The following MSN variants were observed in gnomAD, a reference collection of about 807,000 sequenced individuals.
MSN encodes the protein epididymis luminal protein 70.
MSN carries 2 observed loss-of-function variants against 48.0 expected under a neutral mutation model. The ratio of observed to expected loss-of-function variants is 0.04; its 90% CI spans 0.02 to 0.13. MSN has a LOEUF of 0.13. Ranked by LOEUF, MSN falls within the 10% of genes least tolerant of loss-of-function variation. MSN has a pLI of 1.00. For missense variants in MSN, 267 were observed against 470.1 expected, an observed-to-expected ratio of 0.57 and a Z score of 3.99; for synonymous variants, 146 against 166.9, an observed-to-expected ratio of 0.87 and a Z score of 0.97.
intron 1 of MSN, among the ~76,000 whole-genome samples, chrX:65,660,016 G>C (rs1312130562): frequency 9.0e-6 from 1 of 110,998 alleles, no homozygotes; most frequent in East Asian, 2.8e-4. Context: ...GCATGAAATG[G>C]TTTACAAGGA....
chrX:65,728,773 G>A (rs2071593891), intron 3 of MSN, among the ~76,000 whole-genome samples: 1 of 111,689 alleles, frequency 9.0e-6, no homozygotes. Flanking sequence ...TTGAGTCCAT[G>A]CAAGCTCTCC....
chrX:65,707,581 C>T (rs960934597), intron 1 of MSN, among the ~76,000 whole-genome samples: 1 of 112,206 alleles, frequency 8.9e-6, no homozygotes, highest in Non-Finnish European at 1.9e-5. Context: ...TCCGGGTCAG[C>T]TCCTGTATTC....
intron 1 of MSN, chrX:65,624,970 T>G (rs763010580): frequency 9.0e-6 from 1 of 111,685 alleles, no homozygotes; most frequent in Non-Finnish European, 1.9e-5. Flanking sequence ...TTCCCAAATT[T>G]TTGGTATGCT....
intron 1 of MSN, among the ~76,000 whole-genome samples, chrX:65,698,571 G>GC (rs1284035237): frequency 8.9e-6 from 1 of 111,867 alleles, no homozygotes. Context: ...TCTTCTCCCT[G>GC]CCCCCCACTG....
intron 1 of MSN, among the ~76,000 whole-genome samples, chrX:65,634,376 G>A (rs1448474836): frequency 8.9e-6 from 1 of 112,494 alleles, no homozygotes; most frequent in African/African-American, 3.2e-5. Context: ...ACTTTGGGTG[G>A]CCGAGGTGGG....
At chrX:65,701,278 T>G (rs1202368554) in intron 1 of MSN, among the ~76,000 whole-genome samples, 2 of 111,661 alleles carry the variant, frequency 1.8e-5, no homozygotes, top group African/African-American at 6.5e-5. Context: ...GATGGGAGGA[T>G]GGTTGAAGAT....
At chrX:65,686,628 C>T (rs2071117847) in intron 1 of MSN, among the ~76,000 whole-genome samples, 1 of 112,487 alleles carries the variant, frequency 8.9e-6, no homozygotes, top group South Asian at 3.6e-4. Context: ...GCCAGGCTTG[C>T]AGGAATATCT....
At chrX:65,664,877 G>C (rs1336981298), upstream of MSN, among the ~76,000 whole-genome samples, 2 of 109,392 alleles carry the variant, frequency 1.8e-5, no homozygotes, top group Non-Finnish European at 3.8e-5. Flanking sequence ...AGCCTCTCGA[G>C]TAGCTGGGAT....
intron 1 of MSN, among the ~76,000 whole-genome samples, chrX:65,685,052 C>T (rs1383472916): frequency 8.9e-6 from 1 of 112,219 alleles, no homozygotes; most frequent in Non-Finnish European, 1.9e-5. Flanking sequence ...ATTGGTGGAA[C>T]ACTTAAAATC....
intron 1 of MSN, among the ~76,000 whole-genome samples, chrX:65,715,288 G>A (rs2071452356): frequency 9.0e-6 from 1 of 111,720 alleles, no homozygotes; most frequent in South Asian, 3.7e-4. Flanking sequence ...GCTTAGGATT[G>A]CCATGGTTAT....
At chrX:65,649,532 T>C (rs1283392948) in intron 1 of MSN, among the ~76,000 whole-genome samples, 3 of 100,936 alleles carry the variant, frequency 3.0e-5, no homozygotes, top group African/African-American at 1.1e-4. Flanking sequence ...GCCGAGATCA[T>C]GCCACTGTGC....
At chrX:65,639,785 A>G (rs1046808225) in intron 1 of MSN, among the ~76,000 whole-genome samples, 1 of 112,124 alleles carries the variant, frequency 8.9e-6, no homozygotes, top group Admixed American at 9.5e-5. Context: ...TAGAAATTTA[A>G]GAGCTTCCTT....
chrX:65,717,578 A>T (rs1168002205), intron 2 of MSN, among the ~76,000 whole-genome samples: 1 of 112,210 alleles, frequency 8.9e-6, no homozygotes, highest in Non-Finnish European at 1.9e-5. Context: ...TATTGTCAGA[A>T]AGGATGTACT....
chrX:65,592,186 T>G (rs1350535434), intron 1 of MSN, among the ~76,000 whole-genome samples: 1 of 104,400 alleles, frequency 9.6e-6, no homozygotes, highest in African/African-American at 3.5e-5. Flanking sequence ...GATATCCTCT[T>G]CATCCCTTTT....
At chrX:65,664,335 A>G (rs2070849987), upstream of MSN, among the ~76,000 whole-genome samples, 2 of 111,736 alleles carry the variant, frequency 1.8e-5, no homozygotes, top group African/African-American at 6.5e-5. Flanking sequence ...GGGAGGGAAG[A>G]GGACATGGGT....
At chrX:65,640,238 A>G (rs1302241083) in intron 1 of MSN, among the ~76,000 whole-genome samples, 1 of 111,991 alleles carries the variant, frequency 8.9e-6, no homozygotes, top group Non-Finnish European at 1.9e-5. Flanking sequence ...TTCCTGTTTC[A>G]GCACTCAAAA....
chrX:65,736,509 A>G (rs1373783047), intron 8 of MSN, among the ~76,000 whole-genome samples: 1 of 105,208 alleles, frequency 9.5e-6, no homozygotes, highest in African/African-American at 3.5e-5. Flanking sequence ...ATCTCAGCTC[A>G]CTGCAACCTC....
intron 1 of MSN, among the ~76,000 whole-genome samples, chrX:65,608,817 A>G (rs1280567266): frequency 9.0e-6 from 1 of 111,123 alleles, no homozygotes; most frequent in East Asian, 2.8e-4. Flanking sequence ...CCACCCACAT[A>G]CAGGGTTGTA....
intron 1 of MSN, among the ~76,000 whole-genome samples, chrX:65,681,767 G>A (rs962132380): frequency 3.6e-5 from 4 of 112,196 alleles, no homozygotes; most frequent in African/African-American, 1.3e-4. Flanking sequence ...CACAAAGGAA[G>A]GAAGGTAGGC....
Sources: gnomAD v4.1 joint callset for allele counts (sites outside exome capture counted in the v4.1 genomes callset) on GRCh38, gnomAD v4.1.1 for gene constraint, MANE v1.5 for transcripts, NCBI Gene and HGNC (gene_info 2026-07-23, HGNC 2026-07-21) for gene names.